The following CCDC192 variants were observed in gnomAD, a reference collection of about 807,000 sequenced individuals.
The protein encoded by CCDC192 is coiled-coil domain-containing protein 192.
At position 127,853,420 on chromosome 5, in the gene CCDC192, T is replaced by A. The variant is rs531939103; in HGVS notation, c.412-22118T>A. Among the ~76,000 whole-genome samples the A allele has an allele frequency of 1.2e-4, 18 of 152,346 alleles. 1 individual carries two copies. The South Asian group carries it at 3.3e-3, about 28-fold the overall frequency. On this transcript the variant is annotated intron_variant, in intron 5 of 6. Transcript: ENST00000514853. ...ACATTTGCTAAATTCAGCCACCTTT[T>A]TTTAATTTCACAATTTTTATAGATA...
intron 5 of CCDC192, among the ~76,000 whole-genome samples, chr5:127,807,720 T>G (rs779671486): frequency 6.6e-6 from 1 of 152,158 alleles, no homozygotes; most frequent in African/African-American, 2.4e-5. Context: ...GCTCTGTGCT[T>G]CACTCCACTC....
chr5:127,733,416 T>G (rs190405705), intron 2 of CCDC192, among the ~76,000 whole-genome samples: 20 of 152,300 alleles, frequency 1.3e-4, no homozygotes, highest in African/African-American at 4.8e-4. Context: ...ATCTCCTCCA[T>G]TTTTATAGAT....
chr5:127,767,972 G>A (rs1005807176), intron 3 of CCDC192, among the ~76,000 whole-genome samples: 19 of 152,098 alleles, frequency 1.2e-4, no homozygotes, highest in South Asian at 6.2e-4. Context: ...AGATAAGGTC[G>A]GCAGGGTGTG....
intron 3 of CCDC192, among the ~76,000 whole-genome samples, chr5:127,792,154 C>T (rs1226005126): frequency 1.3e-5 from 2 of 152,108 alleles, no homozygotes; most frequent in Non-Finnish European, 2.9e-5. Context: ...TGTATTAGTC[C>T]ATTCTCACAC....
intron 5 of CCDC192, among the ~76,000 whole-genome samples, chr5:127,848,789 T>C (rs1750673685): frequency 6.6e-6 from 1 of 152,236 alleles, no homozygotes; most frequent in African/African-American, 2.4e-5. Flanking sequence ...CAGAGACACT[T>C]AGGTCGTTCT....
intron 3 of CCDC192, among the ~76,000 whole-genome samples, chr5:127,790,446 CT>C (rs199810575): frequency 6.2e-4 from 94 of 151,372 alleles, no homozygotes; most frequent in Non-Finnish European, 8.9e-4. Flanking sequence ...CAAACATTAT[CT>C]TTTTTTTTGT....
At chr5:127,861,876 C>A (rs1369100730) in intron 5 of CCDC192, among the ~76,000 whole-genome samples, 1 of 152,122 alleles carries the variant, frequency 6.6e-6, no homozygotes, top group African/African-American at 2.4e-5. Context: ...AGATTTTTTC[C>A]TGCTAGATTT....
chr5:127,778,667 T>C (rs1323879729), intron 3 of CCDC192, among the ~76,000 whole-genome samples: 1 of 152,220 alleles, frequency 6.6e-6, no homozygotes, highest in East Asian at 1.9e-4. Flanking sequence ...GTAATATTAG[T>C]GTCAGTGTTA....
At chr5:127,778,374 G>A (rs1755994714) in intron 3 of CCDC192, among the ~76,000 whole-genome samples, 1 of 152,130 alleles carries the variant, frequency 6.6e-6, no homozygotes, top group Non-Finnish European at 1.5e-5. Context: ...AATTGACCAT[G>A]TAGTATTTTT....
chr5:127,853,943 T>C (rs1426211400), intron 5 of CCDC192, among the ~76,000 whole-genome samples: 1 of 152,048 alleles, frequency 6.6e-6, no homozygotes, highest in Non-Finnish European at 1.5e-5. Flanking sequence ...ACCACTCGCT[T>C]TTCACCCCAC....
intron 5 of CCDC192, among the ~76,000 whole-genome samples, chr5:127,875,332 CT>C (rs1003284595): frequency 1.3e-5 from 2 of 151,694 alleles, no homozygotes; most frequent in Non-Finnish European, 2.9e-5. Context: ...AGAGAGTGGG[CT>C]TTTTTTTGTT....
intron 5 of CCDC192, among the ~76,000 whole-genome samples, chr5:127,873,789 C>T (rs1418085558): frequency 1.3e-5 from 2 of 152,216 alleles, no homozygotes; most frequent in East Asian, 3.8e-4. Flanking sequence ...TCACAAGGTG[C>T]TGTCACCACA....
chr5:127,885,127 A>AG (rs1752517087), intron 6 of CCDC192, among the ~76,000 whole-genome samples: 1 of 151,772 alleles, frequency 6.6e-6, no homozygotes, highest in African/African-American at 2.4e-5. Flanking sequence ...TTAAAAAAAA[A>AG]AAGTCTTCTT....
chr5:127,780,970 A>T (rs1425764786), intron 3 of CCDC192, among the ~76,000 whole-genome samples: 1 of 152,172 alleles, frequency 6.6e-6, no homozygotes, highest in Non-Finnish European at 1.5e-5. Context: ...AGCACATAAG[A>T]TTTAAATCCT....
At chr5:127,719,524 T>TAC (rs1438306665) in intron 2 of CCDC192, among the ~76,000 whole-genome samples, 32 of 88,242 alleles carry the variant, frequency 3.6e-4, no homozygotes, top group Non-Finnish European at 5.4e-4. Flanking sequence ...TATATATATA[T>TAC]ACACACATAC....
intron 5 of CCDC192, among the ~76,000 whole-genome samples, chr5:127,813,360 A>G (rs1400083477): frequency 6.6e-6 from 1 of 152,228 alleles, no homozygotes; most frequent in Non-Finnish European, 1.5e-5. Flanking sequence ...ATTTTTGTAT[A>G]GTTTCCTAAA....
intron 6 of CCDC192, among the ~76,000 whole-genome samples, chr5:127,906,914 C>A (rs1753212811): frequency 6.6e-6 from 1 of 152,204 alleles, no homozygotes; most frequent in South Asian, 2.1e-4. Flanking sequence ...GCTGGCACAT[C>A]ATTTTTCACA....
intron 2 of CCDC192, among the ~76,000 whole-genome samples, chr5:127,749,993 T>C (rs1229085729): frequency 6.6e-6 from 1 of 151,838 alleles, no homozygotes; most frequent in Non-Finnish European, 1.5e-5. Flanking sequence ...GTCTATTTGA[T>C]TCTTCTCTCT....
intron 5 of CCDC192, among the ~76,000 whole-genome samples, chr5:127,803,851 T>G (rs1379934990): frequency 6.6e-6 from 1 of 152,240 alleles, no homozygotes; most frequent in Non-Finnish European, 1.5e-5. Flanking sequence ...TATACTGTCC[T>G]GTATGTTTGA....
Sources: allele counts gnomAD v4.1 joint callset (sites outside exome capture counted in the v4.1 genomes callset), GRCh38; gene constraint gnomAD v4.1.1; transcripts MANE v1.5; gene names NCBI Gene and HGNC (gene_info 2026-07-23, HGNC 2026-07-21).